The following SLCO2A1 variants were observed in gnomAD, a reference collection of about 807,000 sequenced individuals.
SLCO2A1 encodes the protein solute carrier organic anion transporter family member 2A1.
A neutral mutation model predicts 71.7 loss-of-function variants in SLCO2A1; 60 were observed. The ratio of observed to expected loss-of-function variants is 0.84; its 90% CI spans 0.68 to 1.04. The LOEUF (loss-of-function observed/expected upper bound fraction) is 1.04. SLCO2A1 is among the 50% of genes least tolerant of loss of function. The pLI, the probability that SLCO2A1 is intolerant of heterozygous loss-of-function variation, is 0.00. For missense variants in SLCO2A1, 745 were observed against 813.4 expected, an observed-to-expected ratio of 0.92 and a Z score of 1.02; for synonymous variants, 308 against 326.7, an observed-to-expected ratio of 0.94 and a Z score of 0.62.
At chr3:134,026,227 A>C (rs191039742) in intron 1 of SLCO2A1, among the ~76,000 whole-genome samples, 256 of 152,246 alleles carry the variant, frequency 1.7e-3, no homozygotes, top group African/African-American at 6.0e-3. Flanking sequence ...TGGTATCACA[A>C]AAACAGTCAT....
intron 3 of SLCO2A1, among the ~76,000 whole-genome samples, chr3:133,969,304 C>A (rs1245976403): frequency 2.6e-5 from 4 of 152,152 alleles, no homozygotes; most frequent in Admixed American, 6.5e-5. Flanking sequence ...GTGGTGGGCA[C>A]CTGTAGTCCC....
At chr3:133,995,547 C>G (rs1424656738) in intron 1 of SLCO2A1, among the ~76,000 whole-genome samples, 1 of 152,218 alleles carries the variant, frequency 6.6e-6, no homozygotes, top group Non-Finnish European at 1.5e-5. Flanking sequence ...TCTACTTATC[C>G]ATCTTCCTGG....
intron 1 of SLCO2A1, among the ~76,000 whole-genome samples, chr3:133,983,710 T>TA (rs1400142727): frequency 1.3e-5 from 2 of 152,200 alleles, no homozygotes; most frequent in East Asian, 3.8e-4. Flanking sequence ...AGGTTGCTTC[T>TA]AAAAATCCCA....
At chr3:133,969,372 G>C (rs567292913) in intron 3 of SLCO2A1, among the ~76,000 whole-genome samples, 9 of 152,306 alleles carry the variant, frequency 5.9e-5, no homozygotes, top group African/African-American at 2.2e-4. Flanking sequence ...AGAGGTTGCA[G>C]TGAGCCGAGA....
chr3:133,981,974 C>CAAAAAAA (rs34863339), intron 1 of SLCO2A1, among the ~76,000 whole-genome samples: 2 of 109,806 alleles, frequency 1.8e-5, no homozygotes, highest in African/African-American at 7.7e-5. Flanking sequence ...GACTCCGTCT[C>CAAAAAAA]AAAAAAAAAA....
chr3:133,968,806 C>T (rs1284470004), intron 3 of SLCO2A1, among the ~76,000 whole-genome samples: 2 of 152,340 alleles, frequency 1.3e-5, no homozygotes, highest in African/African-American at 2.4e-5. Flanking sequence ...GCCTTCCAGA[C>T]GTGGTCTTAG....
intron 1 of SLCO2A1, among the ~76,000 whole-genome samples, chr3:134,012,216 G>C (rs1028420339): frequency 3.3e-5 from 5 of 152,334 alleles, no homozygotes; most frequent in African/African-American, 1.2e-4. Flanking sequence ...TTTCAACCCT[G>C]CTGAGCAGTC....
At chr3:133,956,178 G>T (rs547212617) in intron 3 of SLCO2A1, among the ~76,000 whole-genome samples, 1 of 152,180 alleles carries the variant, frequency 6.6e-6, no homozygotes, top group South Asian at 2.1e-4. Flanking sequence ...ATGGGATTCC[G>T]TTTAATTCTC....
intron 9 of SLCO2A1, 122 bp from the exon 10 acceptor site, chr3:133,945,382 C>A: frequency 2.1e-6 from 2 of 941,810 alleles, no homozygotes; most frequent in Non-Finnish European, 3.1e-6. Flanking sequence ...TTCTTTTGGG[C>A]CAGTGCCACC....
intron 11 of SLCO2A1, among the ~76,000 whole-genome samples, chr3:133,939,350 C>A (rs1933357665): frequency 1.3e-5 from 2 of 152,114 alleles, no homozygotes; most frequent in African/African-American, 2.4e-5. Flanking sequence ...CAGCAGCTGG[C>A]CAGCAGAGGC....
intron 2 of SLCO2A1, among the ~76,000 whole-genome samples, chr3:133,974,645 T>A (rs1053387429): frequency 3.4e-4 from 52 of 152,214 alleles, no homozygotes; most frequent in African/African-American, 1.1e-3. Flanking sequence ...CCCTGGAAGA[T>A]GTGCTCTCTG....
At chr3:133,945,024 C>T (rs1209987853) in intron 10 of SLCO2A1, 71 bp downstream of exon 10, 15 of 1,523,182 alleles carry the variant, frequency 9.8e-6, no homozygotes, top group Non-Finnish European at 1.3e-5. Flanking sequence ...GAGAAACAGT[C>T]TTTGAGGGCA....
rs572247012 is a variant in SLCO2A1 at position 133,970,441 on chromosome 3, C to T, written c.397+3222G>A. Among the ~76,000 whole-genome samples the T allele has an allele frequency of 1.4e-4, 22 of 152,316 alleles. No homozygotes were observed. In the South Asian group the frequency reaches 3.1e-3, roughly 22 times the overall value. ...TTTAATGAAATGCATTTGTTCCTGA[C>T]GACCTTGCATGATTCAAAACTAAAA... On this transcript the variant is annotated intron_variant, in intron 3 of 13. Transcript: ENST00000310926.
intron 1 of SLCO2A1, among the ~76,000 whole-genome samples, chr3:134,016,720 A>C (rs1311237734): frequency 6.6e-6 from 1 of 152,234 alleles, no homozygotes; most frequent in Non-Finnish European, 1.5e-5. Flanking sequence ...TGTCCACACA[A>C]AACCTTTACA....
rs746832635 is a variant in SLCO2A1 at position 133,935,872 on chromosome 3, A to G, written c.1716T>C (p.Tyr572=). ...LLAWLPSPAL[Y]GLTIDHSCIR... is the part of the protein sequence containing the mutation. ...TGCAGGAGTGGTCAATGGTGAGGCC[A>G]TAGAGGGCTGGAGATGGCAGCCAGG... Residue 572 remains tyrosine (Y), a synonymous_variant, in exon 13 of 14, where the codon TAT becomes TAC. Coordinates refer to ENST00000310926, the MANE Select transcript of SLCO2A1 (RefSeq NM_005630.3). 2 of 1,608,074 alleles carry G rather than the reference A, an allele frequency of 1.2e-6. No homozygotes were observed. Among genetic ancestry groups the G allele is most frequent in the Non-Finnish European group, 1.7e-6 (2 of 1,176,426 alleles).
intron 12 of SLCO2A1, 142 bp downstream of exon 12, chr3:133,938,287 G>C (rs1933323437): frequency 2.7e-6 from 2 of 740,746 alleles, no homozygotes; most frequent in African/African-American, 1.7e-5. Flanking sequence ...CATGGATTTT[G>C]GCATCTGCTG....
At chr3:134,007,957 T>A (rs996775169) in intron 1 of SLCO2A1, among the ~76,000 whole-genome samples, 1 of 152,244 alleles carries the variant, frequency 6.6e-6, no homozygotes, top group Non-Finnish European at 1.5e-5. Context: ...TTCTATTTTA[T>A]GTGGTGTTTG....
At chr3:133,943,796 C>T (rs549271902) in intron 10 of SLCO2A1, among the ~76,000 whole-genome samples, 9 of 152,354 alleles carry the variant, frequency 5.9e-5, no homozygotes, top group African/African-American at 1.7e-4. Flanking sequence ...CCTTGTCCTT[C>T]CTCTGCCTGG....
intron 10 of SLCO2A1, among the ~76,000 whole-genome samples, chr3:133,943,705 C>T (rs1933491144): frequency 6.6e-6 from 1 of 152,044 alleles, no homozygotes; most frequent in African/African-American, 2.4e-5. Flanking sequence ...GTAGGTGACT[C>T]AGAGGTAAGT....
Sources: allele counts gnomAD v4.1 joint callset (sites outside exome capture counted in the v4.1 genomes callset), GRCh38; gene constraint gnomAD v4.1.1; transcripts MANE v1.5; gene names NCBI Gene and HGNC (gene_info 2026-07-23, HGNC 2026-07-21).